Variants in DENND2B observed in about 807,000 individuals in gnomAD.
DENND2B encodes DENN domain containing 2B, also known as DENN domain-containing protein 2B.
A neutral mutation model predicts 116.0 loss-of-function variants in DENND2B; 32 were observed. The observed-to-expected ratio is 0.28, with a 90% CI of 0.21 to 0.37. DENND2B has a LOEUF of 0.37. Ranked by LOEUF, DENND2B falls within the 10% of genes least tolerant of loss-of-function variation. The pLI, the probability that DENND2B is intolerant of heterozygous loss-of-function variation, is 1.00. For synonymous variants in DENND2B, 588 were observed against 583.9 expected (o/e 1.01, Z -0.10); for missense variants, 1,276 against 1,477.7 (o/e 0.86, Z 2.24).
chr11:8,895,100 G>A (rs1375486425), intron 1 of DENND2B, among the ~76,000 whole-genome samples: 1 of 152,076 alleles, frequency 6.6e-6, no homozygotes, highest in Non-Finnish European at 1.5e-5. Context: ...TCCTTTGTAG[G>A]GACACGGATG....
rs528382450 is a variant in DENND2B, at chr11:8,827,416, G to A, written c.-115+11894C>T. Among the ~76,000 whole-genome samples, 3 of 152,328 alleles carry A rather than the reference G, an allele frequency of 2.0e-5. No homozygotes were observed. In the South Asian group the frequency reaches 6.2e-4, roughly 32 times the overall value. ...GATAAAGGAAGTCAACGATTTCACA[G>A]TTCTCCTGAAGGTGATGAAAGATTA... On this transcript the variant is annotated intron_variant, in intron 4 of 6. Transcript: ENST00000524757.
In DENND2B at chr11:8,751,564, G is replaced by A. The variant is rs909307956; in HGVS notation, c.-25-839C>T. ...TTCACTCCTGAGCCAGCGAGACCAC[G>A]AACCTACCAGAAGGAAAAAACTCCG... On this transcript the variant is annotated intron_variant, in intron 1 of 19. Coordinates refer to ENST00000313726, the MANE Select transcript of DENND2B (RefSeq NM_213618.2). Among the ~76,000 whole-genome samples the A allele has an allele frequency of 7.3e-5, 11 of 151,336 alleles. No homozygotes were observed. The South Asian group carries it at 8.5e-4, about 12-fold the overall frequency.
In DENND2B at chr11:8,696,654, A is replaced by G. The variant is rs1183242695; in HGVS notation, c.3065T>C (p.Leu1022Pro). 12 of 1,613,980 alleles carry G rather than the reference A, an allele frequency of 7.4e-6. No individual in the cohort carries two copies. Among genetic ancestry groups the G allele is most frequent in the Non-Finnish European group, 1.0e-5 (12 of 1,180,012 alleles). Residue 1022 changes from leucine (L) to proline (P), a missense_variant, in exon 18 of 20, where the codon CTC (leucine) becomes CCC (proline). Coordinates refer to ENST00000313726, the MANE Select transcript of DENND2B (RefSeq NM_213618.2). ...AAACACCTCCGACACCAGCCCATTG[A>G]GGGTATTACATTCTGGAAGGGAAAA... The part of the protein sequence containing the change: ...DSDSDDECNT[L>P]NGLVSEVFIR...
chr11:8,716,433 C>T (rs899194686), intron 5 of DENND2B, among the ~76,000 whole-genome samples: 2 of 152,182 alleles, frequency 1.3e-5, no homozygotes, highest in South Asian at 4.1e-4. Flanking sequence ...TATGCGCTGA[C>T]CTCTCATCCC....
At chr11:8,824,729 C>A (rs1023784951) in intron 4 of DENND2B, among the ~76,000 whole-genome samples, 3 of 151,162 alleles carry the variant, frequency 2.0e-5, no homozygotes, top group African/African-American at 7.3e-5. Context: ...TACTCTGTCA[C>A]CCAGTCTGGA....
At chr11:8,865,938 GC>G (rs1320638805) in intron 2 of DENND2B, among the ~76,000 whole-genome samples, 1 of 151,316 alleles carries the variant, frequency 6.6e-6, no homozygotes, top group Non-Finnish European at 1.5e-5. Flanking sequence ...AGAGGATATT[GC>G]AGCCCTATTT....
chr11:8,902,465 A>G (rs1335572282), intron 1 of DENND2B, among the ~76,000 whole-genome samples: 2 of 152,204 alleles, frequency 1.3e-5, no homozygotes, highest in East Asian at 1.9e-4. Context: ...TGCAAGTGCT[A>G]TATCTTCCAG....
Position 8,730,493 on chromosome 11 carries a change from C to G in DENND2B, c.797G>C (p.Ser266Thr). 1 of 1,612,408 alleles carries G rather than the reference C, an allele frequency of 6.2e-7. No individual in the cohort carries two copies. Among genetic ancestry groups the G allele is most frequent in the Non-Finnish European group, 8.5e-7 (1 of 1,180,022 alleles). The change falls in exon 3 of 20, where the codon AGC becomes ACC. Residue 266 changes from serine to threonine, a missense_variant. Transcript: ENST00000313726. The surrounding 1 kb of genome is among the most constrained non-coding windows in gnomAD (Gnocchi z 4.1). ...LEKRLGRSEP[S>T]AFLRGHGSRK... ...GCTGCCATGCCCCCTGAGGAAGGCG[C>G]TGGGCTCACTCCGGCCCAGCCGTTT...
chr11:8,827,648 C>T (rs575616587), intron 4 of DENND2B, among the ~76,000 whole-genome samples: 3 of 152,256 alleles, frequency 2.0e-5, no homozygotes, highest in Non-Finnish European at 2.9e-5. Flanking sequence ...CAGAGAGATG[C>T]GAGAGTTGTC....
intron 1 of DENND2B, among the ~76,000 whole-genome samples, chr11:8,802,144 T>C (rs1308723919): frequency 2.0e-5 from 3 of 150,178 alleles, no homozygotes; most frequent in Non-Finnish European, 4.4e-5. Flanking sequence ...ATACTAAAAA[T>C]ACAAAAATTA....
intron 3 of DENND2B, among the ~76,000 whole-genome samples, chr11:8,848,872 CAA>C (rs1307130827): frequency 6.7e-6 from 1 of 149,816 alleles, no homozygotes; most frequent in Non-Finnish European, 1.5e-5. Context: ...GTATTTGACA[CAA>C]AAATAAAATG....
chr11:8,770,245 T>C (rs1412441235), intron 1 of DENND2B, among the ~76,000 whole-genome samples: 3 of 152,210 alleles, frequency 2.0e-5, no homozygotes, highest in African/African-American at 7.2e-5. Flanking sequence ...CATTTGAGTC[T>C]ACCAATAAGC....
At chr11:8,697,897 G>C in intron 16 of DENND2B, 1 of 526,700 alleles carries the variant, frequency 1.9e-6, no homozygotes, top group Non-Finnish European at 3.5e-6. Flanking sequence ...GGAAGGCTGA[G>C]CGGGAGGATC....
chr11:8,748,064 T>C (rs960664527), intron 2 of DENND2B, among the ~76,000 whole-genome samples: 9 of 151,984 alleles, frequency 5.9e-5, no homozygotes, highest in African/African-American at 2.2e-4. Flanking sequence ...TGGATACAAA[T>C]GCGTCTTAGA....
intron 1 of DENND2B, among the ~76,000 whole-genome samples, chr11:8,790,238 C>T (rs1370710966): frequency 6.6e-6 from 1 of 152,206 alleles, no homozygotes. Flanking sequence ...CCATGCCCTC[C>T]TTTTCCCCAC....
At chr11:8,721,835 C>G (rs764168174) in intron 4 of DENND2B, among the ~76,000 whole-genome samples, 1 of 152,228 alleles carries the variant, frequency 6.6e-6, no homozygotes, top group Non-Finnish European at 1.5e-5. Flanking sequence ...CTTTGCAGTC[C>G]AGGCTGACTG....
intron 4 of DENND2B, among the ~76,000 whole-genome samples, chr11:8,837,827 C>T (rs2062488385): frequency 6.6e-6 from 1 of 152,168 alleles, no homozygotes; most frequent in Non-Finnish European, 1.5e-5. Flanking sequence ...CTGGAAGCTA[C>T]AACTTCCAAG....
chr11:8,893,647 A>G (rs375892200), intron 1 of DENND2B, among the ~76,000 whole-genome samples: 1 of 152,340 alleles, frequency 6.6e-6, no homozygotes, highest in East Asian at 1.9e-4. Flanking sequence ...CCCATTCACA[A>G]CTGCTTCAAA....
At chr11:8,719,237 T>C (rs1219019262) in intron 4 of DENND2B, 1 of 985,304 alleles carries the variant, frequency 1.0e-6, no homozygotes, top group Non-Finnish European at 1.2e-6. Flanking sequence ...TGCTTGCAGA[T>C]TCCTCCATTT....
Sources: gnomAD v4.1 joint callset for allele counts (sites outside exome capture counted in the v4.1 genomes callset) on GRCh38, gnomAD v4.1.1 for gene constraint, Gnocchi (gnomAD v3.1) non-coding constraint, MANE v1.5 for transcripts, NCBI Gene and HGNC (gene_info 2026-07-23, HGNC 2026-07-21) for gene names.